The following PRRC2C variants were observed in gnomAD, a reference collection of about 807,000 sequenced individuals.
The protein encoded by PRRC2C is proline rich coiled-coil 2C, also known as protein PRRC2C.
Under a neutral mutation model 317.2 loss-of-function variants are expected in PRRC2C, and 72 were observed. The ratio of observed to expected loss-of-function variants is 0.23; its 90% confidence interval spans 0.19 to 0.28. The LOEUF is 0.28. Ranked by LOEUF, PRRC2C falls within the 10% of genes least tolerant of loss-of-function variation. The pLI is 1.00. For synonymous variants in PRRC2C, 1,296 were observed against 1,205.9 expected, an observed-to-expected ratio of 1.07 and a Z score of -1.55; for missense variants, 3,074 against 3,459.7, an observed-to-expected ratio of 0.89 and a Z score of 2.80.
At chr1:171,567,661 C>G (rs1161539993) in intron 22 of PRRC2C, among the ~76,000 whole-genome samples, 2 of 152,182 alleles carry the variant, frequency 1.3e-5, no homozygotes, top group African/African-American at 4.8e-5. Flanking sequence ...ATGTGGGAAA[C>G]ACACAAAAGA....
chr1:171,533,049 T>C (rs1676153575), intron 12 of PRRC2C, 88 bp downstream of exon 12: 1 of 1,259,044 alleles, frequency 7.9e-7, no homozygotes. Context: ...TTTAAATATA[T>C]GTAATCAATA....
intron 9 of PRRC2C, among the ~76,000 whole-genome samples, chr1:171,524,181 T>A (rs1283015339): frequency 6.6e-6 from 1 of 152,234 alleles, no homozygotes; most frequent in Non-Finnish European, 1.5e-5. Context: ...TTACTACAGC[T>A]TTTTCAGGTC....
Position 171,565,640 on chromosome 1 carries a change from G to C in PRRC2C, c.6118-593G>C, listed in dbSNP as rs147531815. On this transcript the variant is annotated intron_variant, in intron 20 of 34. Transcript: ENST00000647382. Reference sequence around the variant, plus strand: ...TTTTTGTATTTTTAGTAGAGACAGAGTTTCACCATGTTGGTCAGGCTGGTC... The same window carrying C: ...TTTTTGTATTTTTAGTAGAGACAGACTTTCACCATGTTGGTCAGGCTGGTC... 3.7e-3 allele frequency among the ~76,000 whole-genome samples: 559 copies of C among 152,236 alleles called. 3 individuals carry two copies. Among genetic ancestry groups the C allele is most frequent in the African/African-American group, 0.013 (538 of 41,550 alleles).
chr1:171,486,290 C>T (rs187073289), intron 1 of PRRC2C, among the ~76,000 whole-genome samples: 2 of 152,044 alleles, frequency 1.3e-5, no homozygotes, highest in East Asian at 1.9e-4. Context: ...GGAATCAAGA[C>T]CAACCCTACT....
At chr1:171,532,095 A>G (rs868780589) in intron 11 of PRRC2C, among the ~76,000 whole-genome samples, 4 of 152,224 alleles carry the variant, frequency 2.6e-5, no homozygotes, top group Non-Finnish European at 4.4e-5. Context: ...TGAATGAGCA[A>G]CAACGTCTGG....
At chr1:171,551,301 TTG>T (rs2102586633) in intron 18 of PRRC2C, among the ~76,000 whole-genome samples, 1 of 152,320 alleles carries the variant, frequency 6.6e-6, no homozygotes, top group Non-Finnish European at 1.5e-5. Flanking sequence ...TGCCCACTTT[TTG>T]ATGGGGTTGT....
chr1:171,523,287 T>G lies in PRRC2C; in HGVS notation c.900T>G (p.Ser300Arg), dbSNP rs1362490379. Residue 300 changes from serine to arginine, a missense_variant, in exon 8 of 35, where the codon AGT becomes AGG. By Grantham distance (110) the Ser-to-Arg change is moderately radical. Coordinates refer to ENST00000647382, the MANE Select transcript of PRRC2C (RefSeq NM_001387844.1). ...AGCCTGAACGCCCATCCATTCTTAGTGCATCAGAACTGAAGGAGCTTGATA... is the reference window on the plus strand; with the variant it reads ...AGCCTGAACGCCCATCCATTCTTAGGGCATCAGAACTGAAGGAGCTTGATA... Reference protein sequence around the residue: ...ASEPERPSILSASELKELDKF... With the variant: ...ASEPERPSILRASELKELDKF... 1 of 1,613,836 alleles carries G rather than the reference T, an allele frequency of 6.2e-7. No individual in the cohort carries two copies. The highest frequency in any genetic ancestry group is 1.1e-5 in the South Asian group (1 of 91,046).
intron 22 of PRRC2C, among the ~76,000 whole-genome samples, chr1:171,567,542 T>G (rs1683913839): frequency 6.6e-6 from 1 of 152,236 alleles, no homozygotes; most frequent in African/African-American, 2.4e-5. Flanking sequence ...GTGGTCCTAC[T>G]CTGCCATATT....
At chr1:171,523,767 G>A (rs1313925912) in intron 9 of PRRC2C, among the ~76,000 whole-genome samples, 1 of 152,112 alleles carries the variant, frequency 6.6e-6, no homozygotes, top group Non-Finnish European at 1.5e-5. Flanking sequence ...TGGGTGCGGT[G>A]GCTCACATCT....
chr1:171,497,675 C>T (rs1668370810), intron 1 of PRRC2C, among the ~76,000 whole-genome samples: 2 of 152,070 alleles, frequency 1.3e-5, no homozygotes, highest in South Asian at 2.1e-4. Flanking sequence ...CACCATGTTA[C>T]CCAGATTGGT....
intron 1 of PRRC2C, among the ~76,000 whole-genome samples, chr1:171,506,695 G>GTA (rs1262462419): frequency 6.7e-6 from 1 of 148,466 alleles, no homozygotes; most frequent in Non-Finnish European, 1.5e-5. Flanking sequence ...CTTTGTGTGT[G>GTA]TGTGTGTGTG....
chr1:171,540,651 C>T lies in PRRC2C; in HGVS notation c.3185C>T (p.Pro1062Leu), dbSNP rs773007621. Residue 1062 changes from proline (P) to leucine (L), a missense_variant, in exon 16 of 35, where the codon CCT (proline) becomes CTT (leucine). Around this residue, in one of 11 missense-constraint regions of PRRC2C, gnomAD observed 1,320 missense variants for 1,395.7 expected, o/e 0.95. Coordinates refer to ENST00000647382, the MANE Select transcript of PRRC2C (RefSeq NM_001387844.1). ...AAGACGGAAAAGAAGGATCTTCCTC[C>T]TCCCCCACCACCACCTCAGCCACCA... ...PEKTEKKDLP[P>L]PPPPPQPPAP... 14 of 1,613,774 alleles carry T rather than the reference C, an allele frequency of 8.7e-6. No individual in the cohort carries two copies. Among genetic ancestry groups the T allele is most frequent in the African/African-American group, 5.3e-5 (4 of 74,906 alleles).
intron 22 of PRRC2C, among the ~76,000 whole-genome samples, chr1:171,567,517 T>C (rs1319281540): frequency 2.0e-5 from 3 of 152,218 alleles, no homozygotes; most frequent in Non-Finnish European, 2.9e-5. Flanking sequence ...TGAATTCATA[T>C]AAGTAATAGC....
chr1:171,511,176 A>G (rs1354270261), intron 1 of PRRC2C: 6 of 145,518 alleles, frequency 4.1e-5, no homozygotes, highest in African/African-American at 1.5e-4. Flanking sequence ...CTTCTACCCT[A>G]CTGCTACAAT....
At chr1:171,590,603 C>T (rs891753042) in intron 34 of PRRC2C, among the ~76,000 whole-genome samples, 7 of 152,058 alleles carry the variant, frequency 4.6e-5, no homozygotes, top group Non-Finnish European at 1.5e-5. Flanking sequence ...CTTTTTGGGT[C>T]GACATCCCTA....
chr1:171,550,257 A>C lies in PRRC2C; in HGVS notation c.5127+17A>C. 1 of 1,547,246 alleles carries C rather than the reference A, an allele frequency of 6.5e-7. No homozygotes were observed. The highest frequency in any genetic ancestry group is 2.0e-5 in the Admixed American group (1 of 50,548). Reference sequence around the variant, plus strand: ...GTCATACAGGTTTAAATCTTGTTTCAACTTGTTGCTAGTTATCTAGATTTG... The same window carrying C: ...GTCATACAGGTTTAAATCTTGTTTCCACTTGTTGCTAGTTATCTAGATTTG... On this transcript the variant is annotated intron_variant, in intron 18 of 34. Transcript: ENST00000647382.
At chr1:171,567,915 G>A (rs1348004931) in intron 22 of PRRC2C, among the ~76,000 whole-genome samples, 5 of 152,188 alleles carry the variant, frequency 3.3e-5, no homozygotes, top group East Asian at 1.9e-4. Context: ...GGCCAGGCGT[G>A]GTGGCTCATG....
At chr1:171,488,473 G>A (rs555407905) in intron 1 of PRRC2C, among the ~76,000 whole-genome samples, 2 of 152,242 alleles carry the variant, frequency 1.3e-5, no homozygotes, top group Admixed American at 6.5e-5. Context: ...GGATAAAAGC[G>A]TTCTATAGAG....
At chr1:171,559,505 G>GTT (rs1236663155) in intron 19 of PRRC2C, among the ~76,000 whole-genome samples, 1,722 of 95,116 alleles carry the variant, frequency 0.018, 393 homozygotes, top group African/African-American at 0.026. Context: ...GGCATACCAA[G>GTT]TTTGTTTTTT....
Sources: gnomAD v4.1 joint callset for allele counts (sites outside exome capture counted in the v4.1 genomes callset) on GRCh38, gnomAD v4.1.1 for gene constraint, gnomAD v4.1.1 regional missense constraint, MANE v1.5 for transcripts, NCBI Gene and HGNC (gene_info 2026-07-23, HGNC 2026-07-21) for gene names.